Variants in ADAMTS14 observed in about 807,000 individuals in gnomAD.
ADAMTS14 encodes the protein ADAM metallopeptidase with thrombospondin type 1 motif 14.
ADAMTS14 carries 100 observed loss-of-function variants against 128.6 expected under a neutral mutation model. The observed-to-expected ratio is 0.78, with a 90% CI of 0.66 to 0.92. ADAMTS14 has a LOEUF of 0.92. Among genes scored for constraint, ADAMTS14 ranks in the 40% least tolerant of loss-of-function variants. ADAMTS14 has a pLI of 0.00. For missense variants in ADAMTS14, 1,562 were observed against 1,658.6 expected, an observed-to-expected ratio of 0.94 and a Z score of 1.01; for synonymous variants, 665 against 653.8, an observed-to-expected ratio of 1.02 and a Z score of -0.26.
chr10:70,728,943 C>T (rs146782654), intron 4 of ADAMTS14, among the ~76,000 whole-genome samples: 1 of 152,274 alleles, frequency 6.6e-6, no homozygotes, highest in African/African-American at 2.4e-5. Flanking sequence ...GTTCCCTGAG[C>T]CAGGTGACCT....
rs1199146385 is a variant in ADAMTS14 at position 70,672,932 on chromosome 10, G to A, written c.82+48G>A. 2.9e-6 allele frequency: 4 copies of A among 1,400,740 alleles called. No individual in the cohort carries two copies. In the Admixed American group the frequency reaches 1.4e-4, roughly 48 times the overall value. 86.8% of individuals were successfully genotyped at this position (1,400,740 alleles called of 1,614,324 possible). ...GGGGCCCGTGGGGTCCGGGGTGCAC[G>A]CGGTCAGGGTGGCCCAAGGTTGCCC... On this transcript the variant is annotated intron_variant, in intron 1 of 21. Coordinates refer to ENST00000373207, the MANE Select transcript of ADAMTS14 (RefSeq NM_080722.4).
At chr10:70,699,165 G>A (rs1485351699) in intron 2 of ADAMTS14, among the ~76,000 whole-genome samples, 4 of 152,148 alleles carry the variant, frequency 2.6e-5, no homozygotes, top group African/African-American at 7.2e-5. Flanking sequence ...AGGCCTGGGG[G>A]CTGAACCCAG....
In ADAMTS14 at chr10:70,733,930, G is replaced by T. The variant is rs768009946; in HGVS notation, c.1254G>T (p.Glu418Asp). 3 of 1,613,786 alleles carry T rather than the reference G, an allele frequency of 1.9e-6. No homozygotes were observed. The African/African-American group carries it at 4.0e-5, about 22-fold the overall frequency. ...HDGQGNGCADETSLGSVMAPL... is the reference protein window; with the variant it reads ...HDGQGNGCADDTSLGSVMAPL... The stretch of plus-strand genomic sequence containing the variant: ...GTCAGGGGAATGGCTGTGCAGATGA[G>T]ACCAGCCTGGGCAGCGTCATGGCGC... Residue 418 changes from glutamate (E) to aspartate (D), a missense_variant, in exon 8 of 22, where the codon GAG becomes GAT. Glu to Asp is a conservative substitution (Grantham distance 45). Transcript: ENST00000373207.
chr10:70,760,279 TG>T (rs1842574434), intron 21 of ADAMTS14, 80 bp from the exon 22 acceptor site: 2 of 1,486,342 alleles, frequency 1.3e-6, no homozygotes, highest in East Asian at 4.6e-5. Flanking sequence ...GGGCAGTCAG[TG>T]GGTAAGTGGG....
rs186199274 is a variant in ADAMTS14, at chr10:70,752,302, C to G, written c.2729+75C>G. On this transcript the variant is annotated intron_variant, in intron 18 of 21. Transcript: ENST00000373207. Reference sequence around the variant, plus strand: ...GGCCCCAGGCAGCGGGGCTGCTGAGCCTGCTCCCCTCAGCACTGGGTTATG... The same window carrying G: ...GGCCCCAGGCAGCGGGGCTGCTGAGGCTGCTCCCCTCAGCACTGGGTTATG... 63 of 1,570,112 alleles carry G rather than the reference C, an allele frequency of 4.0e-5. No individual in the cohort carries two copies. The African/African-American group carries it at 6.5e-4, about 16-fold the overall frequency.
intron 3 of ADAMTS14, among the ~76,000 whole-genome samples, chr10:70,703,485 AAGCTGTGGCACCAG>A: frequency 6.6e-6 from 1 of 152,110 alleles, no homozygotes; most frequent in African/African-American, 2.4e-5. Context: ...CTCATAAGAG[AAGCTGTGGCACCAG>A]AGCCAGAGGG....
intron 12 of ADAMTS14, 131 bp downstream of exon 12, chr10:70,741,293 C>G (rs918853785): frequency 3.0e-5 from 33 of 1,114,150 alleles, no homozygotes; most frequent in Non-Finnish European, 4.2e-5. Flanking sequence ...CCAAAAGGGA[C>G]ACTGAAGTCA....
chr10:70,677,482 G>A (rs1307559988), intron 2 of ADAMTS14, among the ~76,000 whole-genome samples: 4 of 152,268 alleles, frequency 2.6e-5, no homozygotes, highest in South Asian at 2.1e-4. Context: ...AAGCCGGATC[G>A]GGTCTCAGAG....
At chr10:70,679,425 C>T (rs143169431) in intron 2 of ADAMTS14, among the ~76,000 whole-genome samples, 71 of 152,324 alleles carry the variant, frequency 4.7e-4, no homozygotes, top group African/African-American at 1.6e-3. Flanking sequence ...TCTTCAGAGC[C>T]ACTAACACTC....
rs1461246704 is a variant in ADAMTS14, at chr10:70,760,509, T to C, written c.3328T>C (p.Ser1110Pro). 1 of 1,613,768 alleles carries C rather than the reference T, an allele frequency of 6.2e-7. No homozygotes were observed. The highest frequency in any genetic ancestry group is 1.1e-5 in the South Asian group (1 of 91,036). Residue 1110 changes from serine (S) to proline (P), a missense_variant, in exon 22 of 22, where the codon TCA (serine) becomes CCA (proline). By Grantham distance (74) the Ser-to-Pro change is moderately conservative. Transcript: ENST00000373207. The part of the protein sequence containing the change: ...PNPGPDPGPT[S>P]LPPFSTPGSP... The stretch of plus-strand genomic sequence containing the variant: ...CCCTGGCCCAGACCCTGGCCCAACC[T>C]CACTGCCCCCCTTCTCCACTCCTGG...
chr10:70,758,514 TG>T (rs1842533833), intron 21 of ADAMTS14, among the ~76,000 whole-genome samples: 1 of 152,222 alleles, frequency 6.6e-6, no homozygotes, highest in Non-Finnish European at 1.5e-5. Flanking sequence ...CAAACTTACC[TG>T]GCAGCAAAAT....
chr10:70,696,729 G>A (rs558143340), intron 2 of ADAMTS14, among the ~76,000 whole-genome samples: 21 of 152,278 alleles, frequency 1.4e-4, no homozygotes, highest in African/African-American at 5.1e-4. Flanking sequence ...CAAGTGCTAG[G>A]GTTAGGTGAG....
chr10:70,745,134 T>C, intron 14 of ADAMTS14, 92 bp from the exon 15 acceptor site: 1 of 1,185,254 alleles, frequency 8.4e-7, no homozygotes, highest in East Asian at 2.3e-5. Flanking sequence ...AAATGAGATG[T>C]TCCTGGGTGC....
chr10:70,718,265 G>A (rs1841119593), intron 4 of ADAMTS14, among the ~76,000 whole-genome samples: 1 of 151,930 alleles, frequency 6.6e-6, no homozygotes, highest in South Asian at 2.1e-4. Context: ...TCTCTTTTTG[G>A]TCTTTTTCTC....
rs1842350034 is a variant in ADAMTS14, at chr10:70,751,520, T to A, written c.2470T>A (p.Tyr824Asn). 1 of 1,612,596 alleles carries A rather than the reference T, an allele frequency of 6.2e-7. No homozygotes were observed. Among genetic ancestry groups the A allele is most frequent in the African/African-American group, 1.3e-5 (1 of 75,006 alleles). Residue 824 changes from tyrosine to asparagine, a missense_variant, in exon 17 of 22, where the codon TAC becomes AAC. Tyr to Asn is a moderately radical substitution (Grantham distance 143). Coordinates refer to ENST00000373207, the MANE Select transcript of ADAMTS14 (RefSeq NM_080722.4). The part of the protein sequence containing the change: ...TEGGPRSSLA[Y>N]KYVIHEDLLP... ...GGGTGGCCCCCGCAGCAGCCTGGCC[T>A]ACAAGTACGTCATCCATGAGGACCT...
chr10:70,674,625 G>A lies in ADAMTS14; in HGVS notation c.152G>A (p.Arg51His), dbSNP rs766612764. 4.5e-5 allele frequency: 72 copies of A among 1,613,652 alleles called. No individual in the cohort carries two copies. Among genetic ancestry groups the A allele is most frequent in the Non-Finnish European group, 5.9e-5 (70 of 1,180,038 alleles). ...CCCTGCAGCACAGACTTTCGGGGAC[G>A]CTTCCTCTCCCACGTGGTGTCTGGC... Reference protein sequence around the residue: ...TVPCSTDFRGRFLSHVVSGPA... With the variant: ...TVPCSTDFRGHFLSHVVSGPA... Residue 51 changes from arginine to histidine, a missense_variant, in exon 2 of 22, where the codon CGC (arginine) becomes CAC (histidine). Physicochemically the swap from Arg to His is conservative, Grantham distance 29 (BLOSUM62 0). Transcript: ENST00000373207.
In ADAMTS14 at chr10:70,744,271, T is replaced by A. The variant is rs921651443; in HGVS notation, c.2182+82T>A. 16 of 1,421,396 alleles carry A rather than the reference T, an allele frequency of 1.1e-5. No individual in the cohort carries two copies. The East Asian group carries it at 3.9e-4, about 34-fold the overall frequency. 88.0% of individuals were successfully genotyped at this position (1,421,396 alleles called of 1,614,324 possible). A position where few individuals can be genotyped will look rare whatever the true frequency, so the allele number is the denominator to read the frequency against. ...CTCAGGGGGCCCTCCCTCCTTGAACTGTGCCACAGTCTGGGGTGGGGAGAA... is the reference window on the plus strand; with the variant it reads ...CTCAGGGGGCCCTCCCTCCTTGAACAGTGCCACAGTCTGGGGTGGGGAGAA... On this transcript the variant is annotated intron_variant, in intron 14 of 21. Transcript: ENST00000373207.
chr10:70,704,996 C>T (rs575356015), intron 3 of ADAMTS14, among the ~76,000 whole-genome samples: 24 of 151,754 alleles, frequency 1.6e-4, no homozygotes, highest in Non-Finnish European at 3.2e-4. Flanking sequence ...ACTGACACCC[C>T]CTACATACTC....
At chr10:70,722,282 G>A (rs1328267843) in intron 4 of ADAMTS14, among the ~76,000 whole-genome samples, 6 of 152,110 alleles carry the variant, frequency 3.9e-5, no homozygotes, top group Admixed American at 6.5e-5. Flanking sequence ...GCTGGTCCAG[G>A]GCCTGAGACT....
Sources: gnomAD v4.1 joint callset for allele counts (sites outside exome capture counted in the v4.1 genomes callset) on GRCh38, gnomAD v4.1.1 for gene constraint, MANE v1.5 for transcripts, NCBI Gene and HGNC (gene_info 2026-07-23, HGNC 2026-07-21) for gene names.